SGCG: variants seen among roughly 807,000 people sequenced by gnomAD.
SGCG encodes the protein sarcoglycan gamma.
A neutral mutation model predicts 29.3 loss-of-function variants in SGCG; 26 were observed. The observed-to-expected ratio is 0.89, with a 90% CI of 0.65 to 1.23. The LOEUF (loss-of-function observed/expected upper bound fraction) is 1.23, where lower values mean the gene tolerates loss of function less well. Among genes scored for constraint, SGCG ranks in the 50% most tolerant of loss-of-function variants. The pLI is 0.00. For missense variants in SGCG, 353 were observed against 356.0 expected, an observed-to-expected ratio of 0.99 and a Z score of 0.07; for synonymous variants, 145 against 129.7, an observed-to-expected ratio of 1.12 and a Z score of -0.80.
At chr13:23,223,596 T>C (rs1279852264) in intron 2 of SGCG, among the ~76,000 whole-genome samples, 2 of 152,128 alleles carry the variant, frequency 1.3e-5, no homozygotes, top group Non-Finnish European at 2.9e-5. Flanking sequence ...AGGAAAAACA[T>C]AGAAATTTCC....
At chr13:23,320,597 C>CTTTTTTTTTTTTTTTTTTTTTTCTT (rs67528585) in intron 6 of SGCG, 40 bp from the exon 7 acceptor site, 1 of 1,239,834 alleles carries the variant, frequency 8.1e-7, no homozygotes, top group Non-Finnish European at 1.1e-6. Context: ...ATTTTTAATA[C>CTTTTTTTTTTTTTTTTTTTTTTCTT]TTTTTTTTTT....
intron 1 of SGCG, among the ~76,000 whole-genome samples, chr13:23,186,624 T>C (rs1308109798): frequency 1.3e-5 from 2 of 152,196 alleles, no homozygotes; most frequent in Non-Finnish European, 2.9e-5. Context: ...ATTTTGGATG[T>C]ACAGAACTGC....
At chr13:23,186,823 C>T (rs985063397) in intron 1 of SGCG, among the ~76,000 whole-genome samples, 1 of 152,152 alleles carries the variant, frequency 6.6e-6, no homozygotes, top group African/African-American at 2.4e-5. Flanking sequence ...GGCTTGTTGG[C>T]ATCTCCTATG....
chr13:23,178,594 C>T (rs1876631516), upstream of SGCG, among the ~76,000 whole-genome samples: 1 of 152,144 alleles, frequency 6.6e-6, no homozygotes, highest in Non-Finnish European at 1.5e-5. Context: ...TCATTTGGGC[C>T]TTGGACATGG....
At position 23,310,407 on chromosome 13, in the gene SGCG, A is replaced by G. The variant is rs557256324; in HGVS notation, c.579-10230A>G. 7.9e-5 allele frequency among the ~76,000 whole-genome samples: 12 copies of G among 152,168 alleles called. No homozygotes were observed. In the East Asian group the frequency reaches 1.4e-3, roughly 17 times the overall value. ...GGCCTGAATTCTTCCTTTTAATCAT[A>G]AGTAATGTTACCCTTTTGCCCTTAT... On this transcript the variant is annotated intron_variant, in intron 6 of 7. Coordinates refer to ENST00000218867, the MANE Select transcript of SGCG (RefSeq NM_000231.3).
At chr13:23,173,674 G>A in the SGCG span, among the ~76,000 whole-genome samples, 1 of 152,124 alleles carries the variant, frequency 6.6e-6, no homozygotes, top group African/African-American at 2.4e-5. Flanking sequence ...AGAAATTTAG[G>A]AACATTCATG....
intron 5 of SGCG, among the ~76,000 whole-genome samples, chr13:23,291,814 G>A (rs1487887598): frequency 6.6e-6 from 1 of 152,112 alleles, no homozygotes; most frequent in Non-Finnish European, 1.5e-5. Context: ...AAGAATTGAC[G>A]CTGCTGTGAA....
chr13:23,260,576 G>A (rs1396071437), intron 4 of SGCG, among the ~76,000 whole-genome samples: 1 of 151,920 alleles, frequency 6.6e-6, no homozygotes, highest in East Asian at 1.9e-4. Flanking sequence ...GTGTCAATTT[G>A]ATCCTGTCAT....
chr13:23,213,612 G>A (rs2137516082), intron 2 of SGCG, among the ~76,000 whole-genome samples: 1 of 152,308 alleles, frequency 6.6e-6, no homozygotes, highest in East Asian at 1.9e-4. Flanking sequence ...TGCTTTCTGG[G>A]AGCGTGTTAT....
chr13:23,304,222 T>C (rs1593101155), intron 6 of SGCG, among the ~76,000 whole-genome samples: 2 of 152,206 alleles, frequency 1.3e-5, no homozygotes, highest in East Asian at 1.9e-4. Context: ...CTGTGCAAAC[T>C]TTTTAATGCT....
intron 4 of SGCG, among the ~76,000 whole-genome samples, chr13:23,262,695 A>G (rs1170796805): frequency 6.6e-6 from 1 of 152,096 alleles, no homozygotes; most frequent in Non-Finnish European, 1.5e-5. Context: ...CAACAAGTGC[A>G]GAATATCCAT....
chr13:23,174,151 A>T, the SGCG span, among the ~76,000 whole-genome samples: 1 of 152,176 alleles, frequency 6.6e-6, no homozygotes, highest in African/African-American at 2.4e-5. Flanking sequence ...CAAGGGAGTA[A>T]ATGAAAGAAC....
intron 2 of SGCG, among the ~76,000 whole-genome samples, chr13:23,227,686 A>C (rs1007546694): frequency 6.6e-6 from 1 of 152,212 alleles, no homozygotes; most frequent in Admixed American, 6.5e-5. Flanking sequence ...TACATACTGC[A>C]TCACCATCTA....
At chr13:23,250,254 G>A (rs780574916) in intron 3 of SGCG, among the ~76,000 whole-genome samples, 1 of 152,120 alleles carries the variant, frequency 6.6e-6, no homozygotes, top group Non-Finnish European at 1.5e-5. Context: ...GAAATAGAGA[G>A]TAGCAGGAAA....
intron 2 of SGCG, among the ~76,000 whole-genome samples, chr13:23,219,462 G>C (rs17078496): frequency 0.036 from 5,477 of 152,168 alleles, 210 homozygotes; most frequent in East Asian, 0.2. Flanking sequence ...CAGCAAGTGG[G>C]ATTTCAGGGG....
At chr13:23,286,912 G>A (rs1214371904) in intron 5 of SGCG, among the ~76,000 whole-genome samples, 3 of 152,154 alleles carry the variant, frequency 2.0e-5, no homozygotes, top group Non-Finnish European at 4.4e-5. Flanking sequence ...AATATTTTAG[G>A]ACGGTGGGTA....
chr13:23,321,664 A>G (rs1883046380), intron 7 of SGCG, among the ~76,000 whole-genome samples: 1 of 152,206 alleles, frequency 6.6e-6, no homozygotes, highest in African/African-American at 2.4e-5. Flanking sequence ...ACGGCTCAAG[A>G]TTCCATCACG....
intron 4 of SGCG, among the ~76,000 whole-genome samples, 162 bp from the exon 5 acceptor site, chr13:23,279,197 A>C: frequency 6.6e-6 from 1 of 152,210 alleles, no homozygotes; most frequent in East Asian, 1.9e-4. Flanking sequence ...TAGACTTAAA[A>C]GTTGCAAAGT....
intron 4 of SGCG, among the ~76,000 whole-genome samples, chr13:23,270,102 T>C (rs867614684): frequency 2.6e-5 from 4 of 152,038 alleles, no homozygotes; most frequent in Non-Finnish European, 5.9e-5. Flanking sequence ...TCTCCATCTC[T>C]TGACCTCGTG....
Sources: allele counts gnomAD v4.1 joint callset (sites outside exome capture counted in the v4.1 genomes callset), GRCh38; gene constraint gnomAD v4.1.1; transcripts MANE v1.5; gene names NCBI Gene and HGNC (gene_info 2026-07-23, HGNC 2026-07-21).